PLCH1: variants seen among roughly 807,000 people sequenced by gnomAD.
PLCH1 encodes the protein 1-phosphatidylinositol 4,5-bisphosphate phosphodiesterase eta-1.
Under a neutral mutation model 126.7 loss-of-function variants are expected in PLCH1, and 60 were observed. The observed-to-expected ratio is 0.47, with a 90% CI of 0.38 to 0.59. PLCH1 has a LOEUF of 0.59. PLCH1 is among the 20% of genes least tolerant of loss of function. The pLI is 0.00. For synonymous variants in PLCH1, 719 were observed against 734.9 expected (o/e 0.98, Z 0.35); for missense variants, 1,723 against 2,040.0 (o/e 0.84, Z 2.99).
chr3:155,705,400 T>C (rs569666756), intron 1 of PLCH1, among the ~76,000 whole-genome samples: 1 of 152,242 alleles, frequency 6.6e-6, no homozygotes, highest in South Asian at 2.1e-4. Context: ...GGCCACTTCC[T>C]CTTGCCTCAT....
chr3:155,497,208 T>A, intron 15 of PLCH1, 112 bp downstream of exon 15: 1 of 734,024 alleles, frequency 1.4e-6, no homozygotes, highest in Non-Finnish European at 2.3e-6. Context: ...GGTTTCTACA[T>A]AGTCCCAAAA....
At chr3:155,598,431 C>A (rs1415277615) in intron 2 of PLCH1, among the ~76,000 whole-genome samples, 1 of 152,114 alleles carries the variant, frequency 6.6e-6, no homozygotes, top group Non-Finnish European at 1.5e-5. Flanking sequence ...CCCAGAAAAG[C>A]CTATTAGAAC....
In PLCH1 at chr3:155,524,021, C is replaced by A. The variant is rs763801655; in HGVS notation, c.1363-17G>T. 7.2e-7 allele frequency: 1 copy of A among 1,386,484 alleles called. No homozygotes were observed. The highest frequency in any genetic ancestry group is 1.4e-5 in the African/African-American group (1 of 70,314). 85.9% of individuals were successfully genotyped at this position (1,386,484 alleles called of 1,614,324 possible). On this transcript the variant is annotated splice_polypyrimidine_tract_variant and intron_variant, in intron 10 of 22. Transcript: ENST00000460012. ...CTTCTTACCCTGAAATGGAACAAAA[C>A]ATCCCATTTAAAAATGAGAATAAAT...
At chr3:155,614,414 T>C (rs1289423403) in intron 2 of PLCH1, among the ~76,000 whole-genome samples, 1 of 151,446 alleles carries the variant, frequency 6.6e-6, no homozygotes, top group Admixed American at 6.6e-5. Context: ...AGGAGATAGT[T>C]ACCAAAACAG....
intron 12 of PLCH1, among the ~76,000 whole-genome samples, chr3:155,511,734 G>T (rs1422173813): frequency 6.9e-6 from 1 of 145,090 alleles, no homozygotes. Context: ...TGCGTGCTGG[G>T]AGAACCACTG....
chr3:155,701,660 GA>G (rs759144643), intron 2 of PLCH1, among the ~76,000 whole-genome samples: 2 of 152,190 alleles, frequency 1.3e-5, no homozygotes, highest in Non-Finnish European at 2.9e-5. Context: ...AAGCCCAAGA[GA>G]AATCTGACAT....
chr3:155,513,724 G>GT (rs1302409452), intron 12 of PLCH1, among the ~76,000 whole-genome samples: 3 of 152,170 alleles, frequency 2.0e-5, no homozygotes, highest in Non-Finnish European at 4.4e-5. Flanking sequence ...TGTCTCCCCA[G>GT]TATTCCATCT....
intron 2 of PLCH1, among the ~76,000 whole-genome samples, chr3:155,664,930 A>T (rs1742562082): frequency 6.6e-6 from 1 of 152,136 alleles, no homozygotes; most frequent in South Asian, 2.1e-4. Context: ...TAGATTACTA[A>T]ATGCTCACCA....
chr3:155,733,298 T>C (rs1032778367), intron 1 of PLCH1, among the ~76,000 whole-genome samples: 1 of 152,188 alleles, frequency 6.6e-6, no homozygotes, highest in Non-Finnish European at 1.5e-5. Flanking sequence ...AGAAGCATCA[T>C]GCTACCTGAT....
At chr3:155,668,602 G>C (rs769097506) in intron 2 of PLCH1, among the ~76,000 whole-genome samples, 3 of 152,066 alleles carry the variant, frequency 2.0e-5, no homozygotes, top group Non-Finnish European at 4.4e-5. Context: ...AATAAGAAAC[G>C]TGAGCCTAGG....
chr3:155,462,014 G>A (rs776422054), intron 21 of PLCH1, among the ~76,000 whole-genome samples: 1 of 152,152 alleles, frequency 6.6e-6, no homozygotes, highest in Non-Finnish European at 1.5e-5. Flanking sequence ...CTGTTCCTAC[G>A]ATCTTATATC....
chr3:155,645,719 C>G (rs1321368367), intron 2 of PLCH1, among the ~76,000 whole-genome samples: 2 of 152,096 alleles, frequency 1.3e-5, no homozygotes, highest in Non-Finnish European at 2.9e-5. Context: ...CCTGCCTCAG[C>G]CTCCCAAAGT....
chr3:155,606,553 T>C (rs1734388938), intron 2 of PLCH1, among the ~76,000 whole-genome samples: 1 of 152,224 alleles, frequency 6.6e-6, no homozygotes, highest in African/African-American at 2.4e-5. Context: ...ACGTAGGAAA[T>C]ATACTTTTAC....
chr3:155,702,886 G>A (rs991668091), intron 2 of PLCH1, among the ~76,000 whole-genome samples: 1 of 152,188 alleles, frequency 6.6e-6, no homozygotes, highest in African/African-American at 2.4e-5. Context: ...TGAGGCTAGA[G>A]AAAAGCAACG....
chr3:155,703,798 A>G (rs1746450957), intron 2 of PLCH1, among the ~76,000 whole-genome samples: 3 of 152,236 alleles, frequency 2.0e-5, no homozygotes, highest in Admixed American at 6.5e-5. Context: ...GGTGATCCAC[A>G]AATATTAACT....
At chr3:155,599,272 T>C (rs1369600617) in intron 2 of PLCH1, among the ~76,000 whole-genome samples, 4 of 151,960 alleles carry the variant, frequency 2.6e-5, no homozygotes, top group African/African-American at 9.7e-5. Context: ...CAGAAGTAAA[T>C]ACAGAAATAC....
chr3:155,529,537 T>C (rs976528061), intron 10 of PLCH1, among the ~76,000 whole-genome samples: 17 of 152,128 alleles, frequency 1.1e-4, no homozygotes, highest in African/African-American at 3.1e-4. Flanking sequence ...AAAGTTACAA[T>C]TGTGCTATAC....
chr3:155,614,848 A>G (rs1398959752), intron 2 of PLCH1, among the ~76,000 whole-genome samples: 2 of 152,170 alleles, frequency 1.3e-5, no homozygotes, highest in African/African-American at 4.8e-5. Flanking sequence ...ATAACATCAG[A>G]AAAACCCTTC....
At chr3:155,473,275 T>C (rs1432607628) in intron 21 of PLCH1, among the ~76,000 whole-genome samples, 1 of 151,632 alleles carries the variant, frequency 6.6e-6, no homozygotes, top group Non-Finnish European at 1.5e-5. Context: ...AGCATTCTTA[T>C]ACACCAATAA....
Sources: allele counts gnomAD v4.1 joint callset (sites outside exome capture counted in the v4.1 genomes callset), GRCh38; gene constraint gnomAD v4.1.1; transcripts MANE v1.5; gene names NCBI Gene and HGNC (gene_info 2026-07-23, HGNC 2026-07-21).